RANBP3L: variants seen among roughly 807,000 people sequenced by gnomAD.
RANBP3L encodes the protein ran-binding protein 3-like.
In RANBP3L, 56 loss-of-function variants were observed where a neutral mutation model predicts 67.2. The observed-to-expected ratio is 0.83, with a 90% CI of 0.67 to 1.04. The LOEUF (loss-of-function observed/expected upper bound fraction) is 1.04, where lower values mean the gene tolerates loss of function less well. RANBP3L is among the 50% of genes least tolerant of loss of function. The pLI is 0.00. For missense variants in RANBP3L, 496 were observed against 535.5 expected, an observed-to-expected ratio of 0.93 and a Z score of 0.73; for synonymous variants, 164 against 181.4, an observed-to-expected ratio of 0.90 and a Z score of 0.77.
chr5:36,293,898 G>A (rs1379521776), intron 1 of RANBP3L, among the ~76,000 whole-genome samples: 1 of 148,156 alleles, frequency 6.7e-6, no homozygotes, highest in Non-Finnish European at 1.5e-5. Flanking sequence ...TTTGGTATCA[G>A]GATGATGCTG....
At chr5:36,264,889 G>A in intron 6 of RANBP3L, 70 bp downstream of exon 6, 3 of 1,473,878 alleles carry the variant, frequency 2.0e-6, no homozygotes, top group Admixed American at 2.0e-5. Context: ...CTGGATATGG[G>A]GGCCCCAAAC....
intron 11 of RANBP3L, among the ~76,000 whole-genome samples, 167 bp from the exon 12 acceptor site, chr5:36,253,956 G>A (rs1748783023): frequency 6.6e-6 from 1 of 152,038 alleles, no homozygotes; most frequent in Non-Finnish European, 1.5e-5. Flanking sequence ...ACTTTATTAT[G>A]TTGGGAGAAC....
intron 1 of RANBP3L, among the ~76,000 whole-genome samples, chr5:36,293,682 T>G (rs866263569): frequency 1.3e-4 from 19 of 147,068 alleles, no homozygotes; most frequent in African/African-American, 4.7e-4. Context: ...TCGTTGGTTC[T>G]GTTTATATGC....
chr5:36,260,736 G>T, intron 8 of RANBP3L, 44 bp downstream of exon 8: 2 of 784,192 alleles, frequency 2.6e-6, no homozygotes, highest in South Asian at 3.6e-5. Context: ...AATTTAAAGT[G>T]ACAGCTCTGT....
chr5:36,284,162 A>G (rs1751172344), intron 1 of RANBP3L, among the ~76,000 whole-genome samples: 1 of 152,160 alleles, frequency 6.6e-6, no homozygotes, highest in South Asian at 2.1e-4. Flanking sequence ...CAACTCACAG[A>G]CATACATTTT....
intron 1 of RANBP3L, among the ~76,000 whole-genome samples, chr5:36,277,263 C>T (rs1425702668): frequency 6.6e-6 from 1 of 152,010 alleles, no homozygotes; most frequent in African/African-American, 2.4e-5. Context: ...CAGGACTTTC[C>T]TTTATGTCCC....
chr5:36,277,414 C>A (rs1193394966), intron 1 of RANBP3L, among the ~76,000 whole-genome samples: 2 of 75,516 alleles, frequency 2.6e-5, no homozygotes, highest in East Asian at 5.4e-4. Context: ...CTCTCTCTCT[C>A]TCTCTCTCTA....
chr5:36,276,969 C>A (rs10060125), intron 1 of RANBP3L, among the ~76,000 whole-genome samples: 4,133 of 152,184 alleles, frequency 0.027, 171 homozygotes, highest in South Asian at 0.18. Context: ...AGGTGGAAAC[C>A]AAATTCTCCA....
chr5:36,289,641 C>G (rs1371745836), intron 1 of RANBP3L, among the ~76,000 whole-genome samples: 1 of 152,070 alleles, frequency 6.6e-6, no homozygotes, highest in African/African-American at 2.4e-5. Context: ...CCTTTTTATG[C>G]TATTAAATGA....
chr5:36,266,596 A>G (rs1306730280), intron 4 of RANBP3L, among the ~76,000 whole-genome samples: 10 of 152,202 alleles, frequency 6.6e-5, no homozygotes, highest in Admixed American at 6.5e-4. Context: ...ACAACATAAA[A>G]CAGAATGATA....
chr5:36,279,768 T>G (rs1478010651), intron 1 of RANBP3L, among the ~76,000 whole-genome samples: 1 of 152,188 alleles, frequency 6.6e-6, no homozygotes, highest in Non-Finnish European at 1.5e-5. Context: ...CTTTAAAGTT[T>G]TTATCAGAAT....
intron 4 of RANBP3L, among the ~76,000 whole-genome samples, chr5:36,266,345 A>G (rs140085438): frequency 1.3e-5 from 2 of 152,336 alleles, no homozygotes; most frequent in Admixed American, 6.5e-5. Context: ...TAGAATTTCT[A>G]TACATTTCAA....
chr5:36,250,802 T>G (rs1044485083), intron 13 of RANBP3L, among the ~76,000 whole-genome samples: 7 of 152,108 alleles, frequency 4.6e-5, no homozygotes, highest in Admixed American at 1.3e-4. Context: ...TTACTTTATT[T>G]GTGAATCCTG....
intron 1 of RANBP3L, among the ~76,000 whole-genome samples, chr5:36,293,930 A>G (rs1278893080): frequency 4.6e-5 from 7 of 150,794 alleles, no homozygotes; most frequent in Admixed American, 3.3e-4. Flanking sequence ...TGAGTTATGG[A>G]GGATTCCCTC....
chr5:36,290,374 A>T (rs986548989), intron 1 of RANBP3L, among the ~76,000 whole-genome samples: 1 of 150,406 alleles, frequency 6.6e-6, no homozygotes, highest in Admixed American at 6.6e-5. Flanking sequence ...ATGCCACCAC[A>T]CCTGGCTAAT....
At chr5:36,292,294 A>G (rs991535149) in intron 1 of RANBP3L, among the ~76,000 whole-genome samples, 2 of 151,470 alleles carry the variant, frequency 1.3e-5, no homozygotes, top group African/African-American at 4.9e-5. Context: ...TAGATTCTGG[A>G]TATTAGCCCT....
Position 36,283,999 on chromosome 5 carries a change from T to C in RANBP3L, c.92-12688A>G, listed in dbSNP as rs536687199. Reference sequence around the variant, plus strand: ...CCTCTCCTCACTTCCTTTTTTTTTTTTGAGATGGAGTTTCACTCTTGTTGC... The same window carrying C: ...CCTCTCCTCACTTCCTTTTTTTTTTCTGAGATGGAGTTTCACTCTTGTTGC... On this transcript the variant is annotated intron_variant, in intron 1 of 13. Coordinates refer to ENST00000296604, the MANE Select transcript of RANBP3L (RefSeq NM_145000.5). Among the ~76,000 whole-genome samples the C allele has an allele frequency of 2.5e-3, 383 of 152,252 alleles. 2 individuals carry two copies. The highest frequency in any genetic ancestry group is 8.9e-3 in the African/African-American group (370 of 41,550).
At chr5:36,296,862 C>T (rs1752253286) in intron 1 of RANBP3L, among the ~76,000 whole-genome samples, 1 of 152,196 alleles carries the variant, frequency 6.6e-6, no homozygotes, top group Non-Finnish European at 1.5e-5. Context: ...AAAAGACTGA[C>T]TACCCCAGAG....
chr5:36,278,499 A>T (rs188752660), intron 1 of RANBP3L, among the ~76,000 whole-genome samples: 1 of 152,214 alleles, frequency 6.6e-6, no homozygotes, highest in African/African-American at 2.4e-5. Context: ...GCACATTCAG[A>T]TTTCTGTCAA....
Sources: gnomAD v4.1 joint callset for allele counts (sites outside exome capture counted in the v4.1 genomes callset) on GRCh38, gnomAD v4.1.1 for gene constraint, MANE v1.5 for transcripts, NCBI Gene and HGNC (gene_info 2026-07-23, HGNC 2026-07-21) for gene names.